The following LINGO2 variants were observed in gnomAD, a reference collection of about 807,000 sequenced individuals.
LINGO2 encodes the protein leucine-rich repeat and immunoglobulin-like domain-containing nogo receptor-interacting protein 2.
A neutral mutation model predicts 30.6 loss-of-function variants in LINGO2; 14 were observed. The observed-to-expected ratio is 0.46, with a 90% confidence interval of 0.30 to 0.72. The LOEUF is 0.72. Among genes scored for constraint, LINGO2 ranks in the 30% least tolerant of loss-of-function variants. The probability of loss-of-function intolerance (pLI) is 0.07; values close to 1 mark genes in which losing one functional copy is unlikely to be tolerated. For missense variants in LINGO2, 729 were observed against 751.7 expected, an observed-to-expected ratio of 0.97 and a Z score of 0.35; for synonymous variants, 317 against 288.5, an observed-to-expected ratio of 1.10 and a Z score of -1.00.
chr9:28,739,376 T>C, the LINGO2 span, among the ~76,000 whole-genome samples: 2 of 151,828 alleles, frequency 1.3e-5, no homozygotes, highest in East Asian at 3.9e-4. Context: ...GATTGTCTAA[T>C]GGAAACACAA....
At chr9:28,395,866 G>C (rs893880850) in intron 2 of LINGO2, among the ~76,000 whole-genome samples, 4 of 152,134 alleles carry the variant, frequency 2.6e-5, no homozygotes, top group African/African-American at 4.8e-5. Context: ...ATTAAGCTTA[G>C]TTATTAGTGG....
At chr9:28,626,574 T>G (rs1323114778) in intron 1 of LINGO2, among the ~76,000 whole-genome samples, 1 of 152,118 alleles carries the variant, frequency 6.6e-6, no homozygotes, top group East Asian at 1.9e-4. Flanking sequence ...ATACCTAGTT[T>G]AAGCATCATT....
chr9:28,405,180 T>A (rs2134769942), intron 2 of LINGO2, among the ~76,000 whole-genome samples: 1 of 152,280 alleles, frequency 6.6e-6, no homozygotes, highest in African/African-American at 2.4e-5. Context: ...AGTTTAAAAC[T>A]TTCAAAGAAC....
chr9:28,882,238 G>C, the LINGO2 span, among the ~76,000 whole-genome samples: 2 of 152,146 alleles, frequency 1.3e-5, no homozygotes, highest in Non-Finnish European at 2.9e-5. Context: ...GGGCAAAAGA[G>C]AGAACTAAAA....
At chr9:29,035,986 G>A in the LINGO2 span, among the ~76,000 whole-genome samples, 1 of 151,914 alleles carries the variant, frequency 6.6e-6, no homozygotes, top group African/African-American at 2.4e-5. Flanking sequence ...AAACAATTTG[G>A]GAAGCAAGAT....
intron 1 of LINGO2, chr9:28,599,421 G>A (rs935309988): frequency 1.3e-5 from 2 of 152,048 alleles, no homozygotes; most frequent in East Asian, 3.9e-4. Context: ...TTAAGTAAAT[G>A]CTGTTTTAAA....
At chr9:28,750,740 T>C in the LINGO2 span, among the ~76,000 whole-genome samples, 2 of 152,074 alleles carry the variant, frequency 1.3e-5, no homozygotes, top group Non-Finnish European at 2.9e-5. Flanking sequence ...TTACCGCATA[T>C]AACTCTTGTT....
chr9:28,426,223 A>G (rs993403228), intron 2 of LINGO2, among the ~76,000 whole-genome samples: 2 of 152,072 alleles, frequency 1.3e-5, no homozygotes, highest in African/African-American at 4.8e-5. Context: ...GAAAAATGAT[A>G]AATAGCACAT....
intron 3 of LINGO2, among the ~76,000 whole-genome samples, chr9:28,305,954 A>C (rs565097037): frequency 6.6e-6 from 1 of 152,182 alleles, no homozygotes; most frequent in African/African-American, 2.4e-5. Flanking sequence ...CTCTCTCTAA[A>C]TCATAGAAAA....
chr9:28,458,432 C>T (rs981224809), intron 2 of LINGO2, among the ~76,000 whole-genome samples: 2 of 152,106 alleles, frequency 1.3e-5, no homozygotes, highest in African/African-American at 4.8e-5. Context: ...CAATTTCCAC[C>T]TCTGCTCACT....
intron 3 of LINGO2, among the ~76,000 whole-genome samples, chr9:28,357,962 G>C (rs1198543920): frequency 6.6e-6 from 1 of 151,866 alleles, no homozygotes; most frequent in Admixed American, 6.6e-5. Context: ...GGATAGAAAA[G>C]GGTAACTTAA....
the LINGO2 span, among the ~76,000 whole-genome samples, chr9:29,045,597 C>A: frequency 5.6e-5 from 8 of 141,870 alleles, no homozygotes; most frequent in Non-Finnish European, 6.3e-5. Flanking sequence ...AAAAAAAAAA[C>A]CCTCGAAAAC....
At chr9:28,287,668 GAA>G (rs964689621) in intron 4 of LINGO2, among the ~76,000 whole-genome samples, 17 of 152,078 alleles carry the variant, frequency 1.1e-4, no homozygotes, top group Non-Finnish European at 2.9e-5. Context: ...AAGCCAGAGA[GAA>G]AAAAGTCTCA....
the LINGO2 span, among the ~76,000 whole-genome samples, chr9:28,783,172 G>A: frequency 6.6e-6 from 1 of 152,124 alleles, no homozygotes; most frequent in Non-Finnish European, 1.5e-5. Context: ...ATGTGTTGAA[G>A]GACACTGTCA....
At chr9:28,923,063 T>C in the LINGO2 span, among the ~76,000 whole-genome samples, 1 of 152,144 alleles carries the variant, frequency 6.6e-6, no homozygotes, top group Non-Finnish European at 1.5e-5. Context: ...ATGAAAGAAA[T>C]GCGGCACTAG....
At chr9:28,181,689 C>G (rs1050656299) in intron 4 of LINGO2, among the ~76,000 whole-genome samples, 1 of 152,176 alleles carries the variant, frequency 6.6e-6, no homozygotes, top group Non-Finnish European at 1.5e-5. Context: ...ATTTCTCTGA[C>G]AGTGTCAGCA....
chr9:28,824,395 G>A, the LINGO2 span, among the ~76,000 whole-genome samples: 1 of 152,170 alleles, frequency 6.6e-6, no homozygotes, highest in Non-Finnish European at 1.5e-5. Context: ...GTGACCTGAT[G>A]CTCAAGAAGT....
chr9:28,382,395 C>T (rs1283704645), intron 2 of LINGO2, among the ~76,000 whole-genome samples: 2 of 152,066 alleles, frequency 1.3e-5, no homozygotes, highest in East Asian at 3.8e-4. Flanking sequence ...CATTGATAAA[C>T]TATGTATTAA....
chr9:28,558,181 A>G (rs1204621267), intron 1 of LINGO2, among the ~76,000 whole-genome samples: 1 of 151,604 alleles, frequency 6.6e-6, no homozygotes, highest in Admixed American at 6.6e-5. Context: ...AAAAAAAAAA[A>G]CAATGGGTCT....
Sources: allele counts gnomAD v4.1 joint callset (sites outside exome capture counted in the v4.1 genomes callset), GRCh38; gene constraint gnomAD v4.1.1; transcripts MANE v1.5; gene names NCBI Gene and HGNC (gene_info 2026-07-23, HGNC 2026-07-21).